Variants in RBFOX1 observed in about 807,000 individuals in gnomAD.
RBFOX1 encodes RNA binding fox-1 homolog 1.
Under a neutral mutation model 57.7 loss-of-function variants are expected in RBFOX1, and 8 were observed. The observed-to-expected ratio is 0.14, with a 90% CI of 0.08 to 0.25. The LOEUF (loss-of-function observed/expected upper bound fraction) is 0.25. Ranked by LOEUF, RBFOX1 falls within the 10% of genes least tolerant of loss-of-function variation. RBFOX1 has a pLI of 1.00. For synonymous variants in RBFOX1, 326 were observed against 222.4 expected (o/e 1.47, Z -4.15); for missense variants, 611 against 548.5 (o/e 1.11, Z -1.14).
chr16:7,218,628 C>CTCTGTGTG lies in RBFOX1; in HGVS notation c.27+166531_27+166532insCTGTGTGT, dbSNP rs1206468606. 2.6e-3 allele frequency among the ~76,000 whole-genome samples: 326 copies of CTCTGTGTG among 127,516 alleles called. 12 individuals are homozygous for CTCTGTGTG. Among genetic ancestry groups the CTCTGTGTG allele is most frequent in the African/African-American group, 8.9e-3 (251 of 28,150 alleles). 83.7% of individuals were successfully genotyped at this position (127,516 alleles called of 152,430 possible). A position where few individuals can be genotyped will look rare whatever the true frequency, so the allele number is the denominator to read the frequency against. On this transcript the variant is annotated intron_variant, in intron 4 of 15. Transcript: ENST00000550418. ...TTGACTTAGGGTTTGTGGGGGTTTGCTGTGTGTGTGTGTGTGTGTGTGTGT... is the reference window on the plus strand; with the variant it reads ...TTGACTTAGGGTTTGTGGGGGTTTGCTCTGTGTGTGTGTGTGTGTGTGTGTGTGTGTGT...
At chr16:7,328,500 A>AAAG (rs1555718992) in intron 4 of RBFOX1, 19 of 149,844 alleles carry the variant, frequency 1.3e-4, no homozygotes, top group African/African-American at 4.7e-4. Flanking sequence ...AAAAAAAAAA[A>AAAG]GAAGACCTGG....
At chr16:6,667,609 C>T (rs890524486) in intron 3 of RBFOX1, among the ~76,000 whole-genome samples, 29 of 152,050 alleles carry the variant, frequency 1.9e-4, no homozygotes, top group African/African-American at 6.8e-4. Flanking sequence ...TGGCTGGGCA[C>T]GGTGGCTCAT....
At chr16:7,272,571 C>A (rs548584400) in intron 4 of RBFOX1, among the ~76,000 whole-genome samples, 1 of 152,296 alleles carries the variant, frequency 6.6e-6, no homozygotes, top group East Asian at 1.9e-4. Flanking sequence ...CTATCACTTG[C>A]CAGGTTGTAG....
At chr16:5,759,605 G>A (rs1470615187) in intron 3 of RBFOX1, among the ~76,000 whole-genome samples, 1 of 152,206 alleles carries the variant, frequency 6.6e-6, no homozygotes, top group Non-Finnish European at 1.5e-5. Flanking sequence ...TGCCGCCAGT[G>A]CCAGGCATGT....
chr16:6,217,631 C>T (rs996288044), intron 1 of RBFOX1, among the ~76,000 whole-genome samples: 2 of 152,196 alleles, frequency 1.3e-5, no homozygotes, highest in African/African-American at 4.8e-5. Context: ...TGTTGACGGG[C>T]TGAGTAACCT....
chr16:6,949,949 G>A (rs1168581152), intron 3 of RBFOX1, among the ~76,000 whole-genome samples: 2 of 138,710 alleles, frequency 1.4e-5, no homozygotes, highest in East Asian at 4.0e-4. Context: ...TTTTGTTGTT[G>A]TTGTTGTTGT....
At chr16:6,622,363 G>A (rs538850982) in intron 2 of RBFOX1, among the ~76,000 whole-genome samples, 1 of 152,228 alleles carries the variant, frequency 6.6e-6, no homozygotes, top group African/African-American at 2.4e-5. Context: ...TCTATGTATA[G>A]ATAGATTTAG....
intron 2 of RBFOX1, among the ~76,000 whole-genome samples, chr16:6,374,234 C>A (rs956580305): frequency 6.6e-6 from 1 of 152,240 alleles, no homozygotes; most frequent in South Asian, 2.1e-4. Flanking sequence ...CATTGTTTAG[C>A]CTTGTAATTA....
At chr16:5,977,071 A>G (rs2060078602) in intron 4 of RBFOX1, among the ~76,000 whole-genome samples, 1 of 152,146 alleles carries the variant, frequency 6.6e-6, no homozygotes, top group Admixed American at 6.5e-5. Context: ...CTCCTGTCTC[A>G]GAGCCCAGGA....
intron 4 of RBFOX1, among the ~76,000 whole-genome samples, chr16:7,097,067 CAT>C (rs1250429579): frequency 3.3e-5 from 5 of 151,722 alleles, no homozygotes; most frequent in African/African-American, 9.7e-5. Flanking sequence ...CAAATAAACA[CAT>C]GTGATCATTT....
chr16:7,462,097 T>G (rs944722960), intron 4 of RBFOX1, among the ~76,000 whole-genome samples: 7 of 152,180 alleles, frequency 4.6e-5, no homozygotes, highest in African/African-American at 1.4e-4. Context: ...TTCTTGGTAT[T>G]TGGCCTGACA....
intron 4 of RBFOX1, among the ~76,000 whole-genome samples, chr16:7,094,022 A>G (rs1157143609): frequency 2.0e-5 from 3 of 151,178 alleles, no homozygotes; most frequent in South Asian, 2.1e-4. Flanking sequence ...TGTTTTAAAC[A>G]TAGTAATTGG....
At chr16:7,425,788 CTTCCAGGATT>C (rs2098604949) in intron 4 of RBFOX1, among the ~76,000 whole-genome samples, 1 of 152,192 alleles carries the variant, frequency 6.6e-6, no homozygotes, top group African/African-American at 2.4e-5. Context: ...AAAGGATCGC[CTTCCAGGATT>C]TTTTTTCCCT....
At chr16:7,481,428 GTTC>G (rs1392177549) in intron 4 of RBFOX1, among the ~76,000 whole-genome samples, 19 of 152,130 alleles carry the variant, frequency 1.2e-4, no homozygotes, top group African/African-American at 3.6e-4. Flanking sequence ...AATATAAATT[GTTC>G]TTCTTTGGTG....
intron 3 of RBFOX1, among the ~76,000 whole-genome samples, chr16:5,765,530 T>A (rs2034308508): frequency 1.3e-5 from 2 of 152,350 alleles, no homozygotes; most frequent in South Asian, 4.1e-4. Flanking sequence ...GTCTAATTCA[T>A]GGCTGAATAC....
intron 1 of RBFOX1, among the ~76,000 whole-genome samples, chr16:6,187,151 C>T (rs144462558): frequency 1.7e-3 from 253 of 152,210 alleles, no homozygotes; most frequent in African/African-American, 5.5e-3. Flanking sequence ...TATTGTCATG[C>T]TTGGCCCTAT....
At chr16:6,142,850 A>T (rs2096729282) in intron 1 of RBFOX1, among the ~76,000 whole-genome samples, 1 of 152,082 alleles carries the variant, frequency 6.6e-6, no homozygotes, top group African/African-American at 2.4e-5. Context: ...CTGTCATTCA[A>T]GACTCAACTC....
chr16:7,208,806 C>G (rs1001801780), intron 4 of RBFOX1, among the ~76,000 whole-genome samples: 4 of 152,102 alleles, frequency 2.6e-5, no homozygotes, highest in African/African-American at 4.8e-5. Flanking sequence ...CACTTGCAAT[C>G]CAGCCTGGGT....
At chr16:6,393,119 A>C (rs1203437150) in intron 2 of RBFOX1, among the ~76,000 whole-genome samples, 2 of 152,208 alleles carry the variant, frequency 1.3e-5, no homozygotes, top group Admixed American at 6.5e-5. Flanking sequence ...TTTAACTATG[A>C]GTATATTTTG....
Sources: gnomAD v4.1 joint callset for allele counts (sites outside exome capture counted in the v4.1 genomes callset) on GRCh38, gnomAD v4.1.1 for gene constraint, MANE v1.5 for transcripts, NCBI Gene and HGNC (gene_info 2026-07-23, HGNC 2026-07-21) for gene names.